TIAM1: variants seen among roughly 807,000 people sequenced by gnomAD.
TIAM1 encodes TIAM Rac1 associated GEF 1.
Under a neutral mutation model 163.5 loss-of-function variants are expected in TIAM1, and 65 were observed. The observed-to-expected ratio is 0.40, with a 90% CI of 0.33 to 0.49. The LOEUF (loss-of-function observed/expected upper bound fraction) is 0.49, where lower values mean the gene tolerates loss of function less well. Ranked by LOEUF, TIAM1 falls within the 20% of genes least tolerant of loss-of-function variation. The probability of loss-of-function intolerance (pLI) is 0.77; values close to 1 mark genes in which losing one functional copy is unlikely to be tolerated. For missense variants in TIAM1, 1,789 were observed against 2,044.7 expected (o/e 0.87, Z 2.41); for synonymous variants, 833 against 810.1 (o/e 1.03, Z -0.48).
At chr21:31,325,805 TAA>T (rs1423808664) in intron 2 of TIAM1, among the ~76,000 whole-genome samples, 1 of 152,158 alleles carries the variant, frequency 6.6e-6, no homozygotes, top group Admixed American at 6.5e-5. Context: ...ATCAGTGAGT[TAA>T]GAGGTGTCAC....
intron 15 of TIAM1, among the ~76,000 whole-genome samples, chr21:31,167,010 C>T (rs572977844): frequency 1.3e-5 from 2 of 152,130 alleles, no homozygotes; most frequent in Admixed American, 6.5e-5. Flanking sequence ...AATGCTGTAA[C>T]CCTGCACATC....
intron 6 of TIAM1, among the ~76,000 whole-genome samples, chr21:31,239,367 T>A (rs1266629590): frequency 6.6e-6 from 1 of 152,122 alleles, no homozygotes; most frequent in Non-Finnish European, 1.5e-5. Context: ...CTGGGCTCAG[T>A]GATCTGCCTG....
At chr21:31,212,629 T>TTTTTG (rs1261016214) in intron 10 of TIAM1, 2 of 139,664 alleles carry the variant, frequency 1.4e-5, no homozygotes, top group East Asian at 3.9e-4. Context: ...TTTTTTTTTT[T>TTTTTG]TGAGAGAGAG....
In TIAM1 at chr21:31,558,839, C is replaced by A. The variant is rs957749096; in HGVS notation, c.-422+88G>T. 6 of 152,238 alleles carry A rather than the reference C, an allele frequency of 3.9e-5. No homozygotes were observed. In the East Asian group the frequency reaches 7.8e-4, roughly 20 times the overall value. The allele number at this position is 152,238 out of a possible 1,614,324, so 9.4% of individuals were successfully genotyped here. A position where few individuals can be genotyped will look rare whatever the true frequency, so the allele number is the denominator to read the frequency against. On this transcript the variant is annotated intron_variant, in intron 1 of 28. Transcript: ENST00000286827. ...GACGGGGGTCAGAACGTGCCCGGCA[C>A]GGGCACCGAGGCTCCGGGCATCCTC...
intron 16 of TIAM1, among the ~76,000 whole-genome samples, chr21:31,162,733 CCAGGT>C (rs2083991824): frequency 1.3e-5 from 2 of 151,846 alleles, no homozygotes; most frequent in Admixed American, 6.6e-5. Flanking sequence ...CCTCTGTCTC[CCAGGT>C]TCAAGCAATT....
At chr21:31,499,326 G>A (rs1453051077) in intron 1 of TIAM1, among the ~76,000 whole-genome samples, 3 of 152,036 alleles carry the variant, frequency 2.0e-5, no homozygotes, top group East Asian at 1.9e-4. Flanking sequence ...TTGGGAGGCT[G>A]AGGTGGACAA....
chr21:31,442,835 C>A (rs1053708750), intron 2 of TIAM1, among the ~76,000 whole-genome samples: 1 of 152,128 alleles, frequency 6.6e-6, no homozygotes, highest in African/African-American at 2.4e-5. Context: ...ATTTAACAAG[C>A]TCATTAAGAT....
chr21:31,460,239 C>T (rs2045272672), intron 2 of TIAM1, among the ~76,000 whole-genome samples: 1 of 152,166 alleles, frequency 6.6e-6, no homozygotes, highest in South Asian at 2.1e-4. Flanking sequence ...AGAGGATGAT[C>T]CCCTGTCCCT....
At chr21:31,467,565 G>A (rs1243210125) in intron 1 of TIAM1, among the ~76,000 whole-genome samples, 1 of 151,740 alleles carries the variant, frequency 6.6e-6, no homozygotes, top group African/African-American at 2.4e-5. Flanking sequence ...GGCAGAGGTT[G>A]CAGTGAGCCA....
intron 1 of TIAM1, among the ~76,000 whole-genome samples, chr21:31,553,158 G>T (rs962161685): frequency 1.3e-5 from 2 of 152,190 alleles, no homozygotes; most frequent in African/African-American, 4.8e-5. Context: ...GGTCATTTTT[G>T]AGCATGTCAG....
chr21:31,437,124 T>C (rs1171866032), intron 2 of TIAM1, among the ~76,000 whole-genome samples: 1 of 152,230 alleles, frequency 6.6e-6, no homozygotes. Flanking sequence ...GTTCAAACTA[T>C]AGGTTTCCGG....
At chr21:31,344,044 T>C (rs2076096476) in intron 1 of TIAM1, 94 bp downstream of exon 1, 1 of 152,032 alleles carries the variant, frequency 6.6e-6, no homozygotes, top group Non-Finnish European at 1.5e-5. Context: ...CTCTCACCTA[T>C]CCTCGTTCAG....
chr21:31,420,390 A>G (rs2043524531), intron 2 of TIAM1, among the ~76,000 whole-genome samples: 1 of 152,226 alleles, frequency 6.6e-6, no homozygotes, highest in Non-Finnish European at 1.5e-5. Context: ...CAAGCTCCAC[A>G]GAAATTCCAG....
chr21:31,279,961 T>C (rs927256075), intron 2 of TIAM1, among the ~76,000 whole-genome samples: 3 of 152,206 alleles, frequency 2.0e-5, no homozygotes, highest in Admixed American at 6.5e-5. Context: ...AGCTAGAAGA[T>C]GCATGCGGTC....
chr21:31,313,158 ATTTTC>A (rs1156990244), intron 2 of TIAM1, among the ~76,000 whole-genome samples: 1 of 152,144 alleles, frequency 6.6e-6, no homozygotes, highest in Non-Finnish European at 1.5e-5. Context: ...TTCATGCGTA[ATTTTC>A]TTTTCTAAGA....
intron 2 of TIAM1, among the ~76,000 whole-genome samples, chr21:31,393,245 T>C (rs947590430): frequency 2.2e-4 from 33 of 152,352 alleles, no homozygotes; most frequent in African/African-American, 7.2e-4. Flanking sequence ...CATGAGTTAC[T>C]GTGCCCAGCC....
intron 2 of TIAM1, among the ~76,000 whole-genome samples, chr21:31,296,531 G>C (rs1193364202): frequency 6.6e-6 from 1 of 152,124 alleles, no homozygotes; most frequent in African/African-American, 2.4e-5. Flanking sequence ...TAATCCACAA[G>C]AGAAAAAGAT....
intron 1 of TIAM1, among the ~76,000 whole-genome samples, chr21:31,465,985 C>T (rs1313962871): frequency 1.3e-5 from 2 of 152,222 alleles, no homozygotes; most frequent in Middle Eastern, 3.2e-3. Flanking sequence ...GGATTACAGG[C>T]GTGAGCCACG....
chr21:31,429,274 T>C (rs1342315594), intron 2 of TIAM1, among the ~76,000 whole-genome samples: 2 of 152,128 alleles, frequency 1.3e-5, no homozygotes, highest in African/African-American at 4.8e-5. Flanking sequence ...AGTGTTGGGA[T>C]TGCATGGGAT....
Sources: gnomAD v4.1 joint callset for allele counts (sites outside exome capture counted in the v4.1 genomes callset) on GRCh38, gnomAD v4.1.1 for gene constraint, MANE v1.5 for transcripts, NCBI Gene and HGNC (gene_info 2026-07-23, HGNC 2026-07-21) for gene names.